PLAC1: variants seen among roughly 807,000 people sequenced by gnomAD.
PLAC1 encodes the protein placenta-specific protein 1.
For missense variants in PLAC1, 136 were observed against 163.2 expected (o/e 0.83, Z 0.91); for synonymous variants, 68 against 62.1 (o/e 1.09, Z -0.44).
At chrX:134,609,626 A>G (rs1400897194) in intron 1 of PLAC1, among the ~76,000 whole-genome samples, 1 of 112,191 alleles carries the variant, frequency 8.9e-6, no homozygotes, top group Non-Finnish European at 1.9e-5. Context: ...TACAACAGAC[A>G]TTGATTTCTC....
intron 1 of PLAC1, among the ~76,000 whole-genome samples, chrX:134,629,784 T>C (rs141585345): frequency 0.013 from 1,421 of 110,502 alleles, 23 homozygotes; most frequent in African/African-American, 0.045. Context: ...CACAATCCGA[T>C]CTTCAGTCTT....
chrX:134,726,198 C>T (rs1459253010), intron 2 of PLAC1, among the ~76,000 whole-genome samples: 1 of 111,462 alleles, frequency 9.0e-6, no homozygotes, highest in East Asian at 2.8e-4. Context: ...CTCACACACT[C>T]CTTTGGCCAA....
At chrX:134,645,040 C>A (rs1042965622) in intron 1 of PLAC1, among the ~76,000 whole-genome samples, 1 of 111,799 alleles carries the variant, frequency 8.9e-6, no homozygotes, top group African/African-American at 3.3e-5. Flanking sequence ...AGCCTTTTGC[C>A]ATCTTGCTGC....
At chrX:134,670,800 T>C (rs1175852162) in intron 2 of PLAC1, among the ~76,000 whole-genome samples, 1 of 112,045 alleles carries the variant, frequency 8.9e-6, no homozygotes, top group East Asian at 2.8e-4. Flanking sequence ...TCATGACCCA[T>C]TGCCTTGAGG....
chrX:134,707,532 C>T (rs187699997), intron 2 of PLAC1, among the ~76,000 whole-genome samples: 23 of 111,613 alleles, frequency 2.1e-4, no homozygotes, highest in African/African-American at 7.5e-4. Flanking sequence ...CGCCCTGTGT[C>T]GAAGTGTTCT....
chrX:134,755,189 A>G (rs1236072900), intron 1 of PLAC1, among the ~76,000 whole-genome samples: 1 of 112,000 alleles, frequency 8.9e-6, no homozygotes, highest in East Asian at 2.8e-4. Context: ...GAAAGTGGGC[A>G]AGAACTGAAA....
intron 1 of PLAC1, among the ~76,000 whole-genome samples, chrX:134,638,783 A>C (rs776562534): frequency 9.0e-6 from 1 of 111,473 alleles, no homozygotes; most frequent in Admixed American, 9.5e-5. Context: ...AAAGCAAACA[A>C]ACAAAACCTT....
At chrX:134,638,349 T>C (rs923739049) in intron 1 of PLAC1, among the ~76,000 whole-genome samples, 8 of 112,363 alleles carry the variant, frequency 7.1e-5, no homozygotes, top group African/African-American at 2.3e-4. Context: ...TTGTTCTCCT[T>C]AAGTTTTCTA....
At chrX:134,737,478 C>T (rs1182025689) in intron 1 of PLAC1, among the ~76,000 whole-genome samples, 5 of 112,551 alleles carry the variant, frequency 4.4e-5, no homozygotes, top group South Asian at 3.6e-4. Flanking sequence ...GAAAAAGAGA[C>T]GCTGCAAGCT....
chrX:134,653,373 G>A (rs906554707), intron 1 of PLAC1, among the ~76,000 whole-genome samples: 11 of 112,311 alleles, frequency 9.8e-5, no homozygotes, highest in Non-Finnish European at 3.8e-5. Context: ...GTGAAAAGCT[G>A]CTTGTCTTAA....
chrX:134,716,697 C>T, intron 2 of PLAC1, among the ~76,000 whole-genome samples: 1 of 112,240 alleles, frequency 8.9e-6, no homozygotes, highest in Non-Finnish European at 1.9e-5. Context: ...CTGCTGTATC[C>T]CCAGGGCCTA....
intron 2 of PLAC1, among the ~76,000 whole-genome samples, chrX:134,718,162 C>T (rs2078648428): frequency 8.9e-6 from 1 of 111,944 alleles, no homozygotes; most frequent in African/African-American, 3.2e-5. Context: ...TCTGAAAACA[C>T]TCCAATGACA....
At chrX:134,667,775 T>TA (rs60518700) in intron 2 of PLAC1, among the ~76,000 whole-genome samples, 1,472 of 109,927 alleles carry the variant, frequency 0.013, 26 homozygotes, top group African/African-American at 0.045. Flanking sequence ...AAAATTTTTT[T>TA]AAATAGCTGG....
chrX:134,660,108 T>C (rs930208330), upstream of PLAC1, among the ~76,000 whole-genome samples: 3 of 13,773 alleles, frequency 2.2e-4, no homozygotes, highest in Non-Finnish European at 1.5e-3. Context: ...GTTCAAAGAT[T>C]TTTTTTTTTT....
chrX:134,611,249 G>C (rs2078150948), intron 1 of PLAC1, among the ~76,000 whole-genome samples: 1 of 110,781 alleles, frequency 9.0e-6, no homozygotes, highest in Admixed American at 9.7e-5. Flanking sequence ...AGGCATATAA[G>C]AAAGTTATTA....
intron 1 of PLAC1, among the ~76,000 whole-genome samples, chrX:134,747,677 CGGA>C (rs1384292411): frequency 2.7e-5 from 3 of 111,325 alleles, no homozygotes; most frequent in Non-Finnish European, 5.7e-5. Flanking sequence ...AGCAGATGCA[CGGA>C]GAACATCAGC....
At chrX:134,646,453 G>A (rs1008651091) in intron 1 of PLAC1, among the ~76,000 whole-genome samples, 1 of 112,338 alleles carries the variant, frequency 8.9e-6, no homozygotes, top group Non-Finnish European at 1.9e-5. Flanking sequence ...ACAGTATTTT[G>A]CTGGTGACTT....
chrX:134,738,451 G>T (rs1412996458), intron 1 of PLAC1, among the ~76,000 whole-genome samples: 1 of 112,000 alleles, frequency 8.9e-6, no homozygotes, highest in East Asian at 2.8e-4. Flanking sequence ...TGTTCATAGG[G>T]TTCAAACGGG....
chrX:134,622,375 TTG>T (rs1207473801), intron 1 of PLAC1, among the ~76,000 whole-genome samples: 2 of 110,932 alleles, frequency 1.8e-5, no homozygotes, highest in African/African-American at 3.3e-5. Context: ...CAGGAAATTC[TTG>T]TGTTTAGTCA....
Sources: allele counts gnomAD v4.1 joint callset (sites outside exome capture counted in the v4.1 genomes callset), GRCh38; gene constraint gnomAD v4.1.1; transcripts MANE v1.5; gene names NCBI Gene and HGNC (gene_info 2026-07-23, HGNC 2026-07-21).